Variants in GALNT13 observed in about 807,000 individuals in gnomAD.
GALNT13 encodes UDP-GalNAc:polypeptide N-acetylgalactosaminyltransferase 13.
Under a neutral mutation model 64.2 loss-of-function variants are expected in GALNT13, and 28 were observed. The observed-to-expected ratio is 0.44, with a 90% CI of 0.32 to 0.60. The LOEUF (loss-of-function observed/expected upper bound fraction) is 0.60, where lower values mean the gene tolerates loss of function less well. Among genes scored for constraint, GALNT13 ranks in the 20% least tolerant of loss-of-function variants. The pLI is 0.05. For missense variants in GALNT13, 577 were observed against 669.8 expected (o/e 0.86, Z 1.53); for synonymous variants, 214 against 224.6 (o/e 0.95, Z 0.42).
At chr2:153,640,919 A>G in the GALNT13 span, among the ~76,000 whole-genome samples, 1 of 152,154 alleles carries the variant, frequency 6.6e-6, no homozygotes, top group Non-Finnish European at 1.5e-5. Flanking sequence ...AGATGATAAA[A>G]TAGAATTTTT....
At chr2:153,082,095 T>C in the GALNT13 span, among the ~76,000 whole-genome samples, 1 of 152,160 alleles carries the variant, frequency 6.6e-6, no homozygotes, top group Non-Finnish European at 1.5e-5. Flanking sequence ...CTCATTGTAG[T>C]TTTGGTTTGC....
the GALNT13 span, among the ~76,000 whole-genome samples, chr2:153,582,719 C>T: frequency 6.6e-6 from 1 of 152,104 alleles, no homozygotes; most frequent in Admixed American, 6.6e-5. Context: ...CACTATTATT[C>T]AAAGAGTCGG....
chr2:154,175,057 A>G (rs1685573351), intron 4 of GALNT13, among the ~76,000 whole-genome samples: 5 of 152,176 alleles, frequency 3.3e-5, no homozygotes, highest in African/African-American at 1.2e-4. Context: ...CAAATAATGC[A>G]TAATATTCCC....
At chr2:153,418,714 C>T in the GALNT13 span, among the ~76,000 whole-genome samples, 5 of 152,050 alleles carry the variant, frequency 3.3e-5, no homozygotes, top group African/African-American at 4.8e-5. Flanking sequence ...GGAGGGTAGC[C>T]GGGCATGGTG....
intron 11 of GALNT13, among the ~76,000 whole-genome samples, chr2:154,416,320 T>A (rs866237296): frequency 8.5e-5 from 13 of 152,096 alleles, no homozygotes; most frequent in Middle Eastern, 3.4e-3. Flanking sequence ...CATTGAGCCT[T>A]CTTCTTGCAT....
At chr2:154,151,174 C>A (rs1387104406) in intron 4 of GALNT13, among the ~76,000 whole-genome samples, 2 of 152,276 alleles carry the variant, frequency 1.3e-5, no homozygotes, top group Admixed American at 6.5e-5. Flanking sequence ...TTTCTGCCTT[C>A]ATTTCTTTAT....
the GALNT13 span, among the ~76,000 whole-genome samples, chr2:153,377,406 TG>T: frequency 2.0e-5 from 3 of 151,818 alleles, no homozygotes; most frequent in African/African-American, 2.4e-5. Context: ...TGCTAGGGGG[TG>T]GGGCCTAGCA....
the GALNT13 span, among the ~76,000 whole-genome samples, chr2:153,533,723 C>CTTTTTTTTTTGTTTTTT: frequency 2.1e-5 from 1 of 48,732 alleles, no homozygotes; most frequent in Non-Finnish European, 3.6e-5. Flanking sequence ...TGAGGTTTTT[C>CTTTTTTTTTTGTTTTTT]TTTTTTTTTT....
intron 3 of GALNT13, among the ~76,000 whole-genome samples, chr2:154,051,342 C>G (rs1224383514): frequency 7.4e-6 from 1 of 135,418 alleles, no homozygotes; most frequent in Non-Finnish European, 1.5e-5. Context: ...GGACTGCGGA[C>G]TGCAGTGGCG....
At chr2:153,176,832 T>C in the GALNT13 span, among the ~76,000 whole-genome samples, 1 of 151,132 alleles carries the variant, frequency 6.6e-6, no homozygotes, top group Non-Finnish European at 1.5e-5. Flanking sequence ...GGCTGAATTT[T>C]CAACAGTAAC....
chr2:154,240,973 C>T (rs577034686), intron 4 of GALNT13, among the ~76,000 whole-genome samples: 2 of 152,284 alleles, frequency 1.3e-5, no homozygotes, highest in East Asian at 3.9e-4. Context: ...CAGCCAAATT[C>T]CGCCTCCTCC....
rs749630576 is a variant in GALNT13 at position 154,245,850 on chromosome 2, A to T, written c.725A>T (p.Asp242Val). The change falls in exon 7 of 13, where the codon GAT becomes GTT. Residue 242 changes from aspartate to valine, a missense_variant. Coordinates refer to ENST00000392825, the MANE Select transcript of GALNT13 (RefSeq NM_052917.4). ...VVCPIIDVISDDTFEYMAGSD... is the reference protein window; with the variant it reads ...VVCPIIDVISVDTFEYMAGSD... ...TGCCCTATCATTGATGTGATTAGTG[A>T]TGATACTTTTGAATATATGGCTGGG... The T allele has an allele frequency of 6.2e-7, 1 of 1,612,670 alleles. No individual in the cohort carries two copies. Among genetic ancestry groups the T allele is most frequent in the East Asian group, 2.2e-5 (1 of 44,784 alleles).
chr2:153,540,171 G>C, the GALNT13 span, among the ~76,000 whole-genome samples: 8 of 152,174 alleles, frequency 5.3e-5, no homozygotes, highest in Non-Finnish European at 1.0e-4. Context: ...GTGCAGCCTA[G>C]AGACTTGGTG....
intron 3 of GALNT13, among the ~76,000 whole-genome samples, chr2:154,082,927 T>C (rs1701346355): frequency 6.6e-6 from 1 of 151,914 alleles, no homozygotes; most frequent in South Asian, 2.1e-4. Context: ...TAGATCCCAT[T>C]TGTCAGTTGT....
the GALNT13 span, among the ~76,000 whole-genome samples, chr2:153,227,181 A>G: frequency 6.6e-6 from 1 of 152,224 alleles, no homozygotes; most frequent in African/African-American, 2.4e-5. Flanking sequence ...GAGGGAATGA[A>G]GAAGATCTGA....
intron 9 of GALNT13, among the ~76,000 whole-genome samples, chr2:154,380,454 A>G (rs530559075): frequency 1.1e-3 from 161 of 152,170 alleles, no homozygotes; most frequent in Non-Finnish European, 8.5e-4. Flanking sequence ...AATATTTCCA[A>G]AAGTTCAACT....
chr2:154,443,642 C>T (rs1261623907), intron 12 of GALNT13, among the ~76,000 whole-genome samples: 2 of 151,830 alleles, frequency 1.3e-5, no homozygotes, highest in African/African-American at 4.8e-5. Flanking sequence ...CAAGGTATGG[C>T]CTAATTTTAC....
the GALNT13 span, among the ~76,000 whole-genome samples, chr2:153,277,613 T>A: frequency 6.6e-6 from 1 of 152,180 alleles, no homozygotes; most frequent in Non-Finnish European, 1.5e-5. Context: ...TTTAAGGTCT[T>A]TGAGGAATAT....
chr2:154,255,242 A>G (rs1482984534), intron 7 of GALNT13, among the ~76,000 whole-genome samples: 1 of 152,170 alleles, frequency 6.6e-6, no homozygotes, highest in Non-Finnish European at 1.5e-5. Flanking sequence ...TTCAAAATCA[A>G]TGGGGACCTT....
Sources: gnomAD v4.1 joint callset for allele counts (sites outside exome capture counted in the v4.1 genomes callset) on GRCh38, gnomAD v4.1.1 for gene constraint, MANE v1.5 for transcripts, NCBI Gene and HGNC (gene_info 2026-07-23, HGNC 2026-07-21) for gene names.